Variants in SCN9A observed in about 807,000 individuals in gnomAD.
The protein encoded by SCN9A is sodium voltage-gated channel alpha subunit 9, also known as sodium channel protein type 9 subunit alpha.
In SCN9A, 131 loss-of-function variants were observed where a neutral mutation model predicts 187.0. The observed-to-expected ratio is 0.70, with a 90% confidence interval of 0.61 to 0.81. SCN9A has a LOEUF of 0.81. SCN9A is among the 30% of genes least tolerant of loss of function. The pLI is 0.00. For missense variants in SCN9A, 2,252 were observed against 2,396.6 expected (o/e 0.94, Z 1.26); for synonymous variants, 809 against 808.6 (o/e 1.00, Z -0.01).
chr2:166,361,354 G>A (rs6432908), intron 1 of SCN9A, among the ~76,000 whole-genome samples: 86,837 of 151,846 alleles, frequency 0.57, 26,346 homozygotes, highest in African/African-American at 0.78. Flanking sequence ...TTTCTTCTTA[G>A]GGAGCTTTCA....
chr2:166,235,655 T>G (rs1695284133), intron 20 of SCN9A, among the ~76,000 whole-genome samples: 1 of 151,516 alleles, frequency 6.6e-6, no homozygotes, highest in African/African-American at 2.4e-5. Flanking sequence ...ACAACTGCTG[T>G]AGATAAGTTT....
chr2:166,295,163 T>C (rs1174754143), intron 7 of SCN9A, among the ~76,000 whole-genome samples: 1 of 152,130 alleles, frequency 6.6e-6, no homozygotes, highest in African/African-American at 2.4e-5. Context: ...ACTAAAGCCC[T>C]AAGGCAGAGA....
intron 21 of SCN9A, among the ~76,000 whole-genome samples, chr2:166,229,347 C>G (rs1218888748): frequency 6.6e-6 from 1 of 150,970 alleles, no homozygotes; most frequent in Non-Finnish European, 1.5e-5. Context: ...TCTGTACACT[C>G]TGGAAAAAAA....
At chr2:166,322,262 A>T (rs971530806) in intron 1 of SCN9A, among the ~76,000 whole-genome samples, 1 of 152,120 alleles carries the variant, frequency 6.6e-6, no homozygotes, top group Non-Finnish European at 1.5e-5. Context: ...TTTCCATTTG[A>T]TCCAATGTAA....
chr2:166,352,180 C>G (rs191708188), intron 1 of SCN9A, among the ~76,000 whole-genome samples: 1 of 152,190 alleles, frequency 6.6e-6, no homozygotes, highest in East Asian at 1.9e-4. Flanking sequence ...AAGATTTACA[C>G]GGCCCTACTT....
intron 20 of SCN9A, among the ~76,000 whole-genome samples, chr2:166,236,208 G>A (rs575267316): frequency 2.6e-5 from 4 of 151,452 alleles, no homozygotes; most frequent in Non-Finnish European, 5.9e-5. Context: ...CATTTTTTAG[G>A]CAGTAACTAG....
intron 19 of SCN9A, among the ~76,000 whole-genome samples, chr2:166,240,042 A>G (rs1202936072): frequency 4.6e-5 from 7 of 152,326 alleles, no homozygotes; most frequent in Admixed American, 1.3e-4. Flanking sequence ...GCCACAACAC[A>G]GTGAAAAGAT....
At position 166,218,158 on chromosome 2, in the gene SCN9A, T is replaced by C. The variant is rs185696848; in HGVS notation, c.4398+8409A>G. Among the ~76,000 whole-genome samples, 28 of 151,150 alleles carry C rather than the reference T, an allele frequency of 1.9e-4. 1 individual carries two copies. Among genetic ancestry groups the C allele is most frequent in the Admixed American group, 1.6e-3 (24 of 15,090 alleles). On this transcript the variant is annotated intron_variant, in intron 24 of 26. Coordinates refer to ENST00000642356, the MANE Select transcript of SCN9A (RefSeq NM_001365536.1). Reference sequence around the variant, plus strand: ...TACAAAACTTTAAAAGAACAAATTTTGTCATTCATCCCAACATGAATGAAA... The same window carrying C: ...TACAAAACTTTAAAAGAACAAATTTCGTCATTCATCCCAACATGAATGAAA...
At chr2:166,350,267 A>G (rs1423975950) in intron 1 of SCN9A, among the ~76,000 whole-genome samples, 1 of 152,224 alleles carries the variant, frequency 6.6e-6, no homozygotes, top group East Asian at 1.9e-4. Flanking sequence ...CAGAAAAACT[A>G]TGGGGATGCC....
At chr2:166,281,897 G>GT in intron 12 of SCN9A, 89 bp from the exon 13 acceptor site, 1 of 1,172,294 alleles carries the variant, frequency 8.5e-7, no homozygotes, top group Non-Finnish European at 1.2e-6. Context: ...GCTGTAGTGA[G>GT]TAATTAAAAG....
At position 166,211,713 on chromosome 2, in the gene SCN9A, T is replaced by C. The variant is rs531512517; in HGVS notation, c.4399-7249A>G. On this transcript the variant is annotated intron_variant, in intron 24 of 26. Coordinates refer to ENST00000642356, the MANE Select transcript of SCN9A (RefSeq NM_001365536.1). ...AAGTTAAGTTGTTATCAGCTTAAAG[T>C]AGACTATTATAAGATATTTGTGATT... Among the ~76,000 whole-genome samples the C allele has an allele frequency of 4.0e-5, 6 of 148,594 alleles. 1 individual carries two copies. The highest frequency in any genetic ancestry group is 1.3e-4 in the African/African-American group (5 of 39,104).
intron 1 of SCN9A, among the ~76,000 whole-genome samples, chr2:166,361,917 C>CA (rs1700295554): frequency 6.6e-6 from 1 of 151,978 alleles, no homozygotes; most frequent in Non-Finnish European, 1.5e-5. Flanking sequence ...TTCAAGAAGG[C>CA]AAAATCCAAG....
chr2:166,340,381 C>G (rs1251415418), intron 1 of SCN9A, among the ~76,000 whole-genome samples: 1 of 152,102 alleles, frequency 6.6e-6, no homozygotes, highest in Non-Finnish European at 1.5e-5. Flanking sequence ...ACTTTCTCAA[C>G]TACTACTACT....
chr2:166,315,094 A>G (rs1699076205), intron 1 of SCN9A, among the ~76,000 whole-genome samples: 1 of 152,214 alleles, frequency 6.6e-6, no homozygotes, highest in African/African-American at 2.4e-5. Flanking sequence ...GAATCAAATC[A>G]AAGCAGTTGC....
chr2:166,313,288 G>A (rs978389062), intron 1 of SCN9A, among the ~76,000 whole-genome samples: 5 of 152,048 alleles, frequency 3.3e-5, no homozygotes, highest in South Asian at 2.1e-4. Context: ...TTGAAGCTTT[G>A]AAGCCAGACA....
Position 166,280,610 on chromosome 2 carries a change from C to A in SCN9A, c.2105-15G>T. 1 of 1,452,198 alleles carries A rather than the reference C, an allele frequency of 6.9e-7. No individual in the cohort carries two copies. The highest frequency in any genetic ancestry group is 9.5e-7 in the Non-Finnish European group (1 of 1,057,630). The allele number at this position is 1,452,198 out of a possible 1,614,324, so 90.0% of individuals were successfully genotyped here. A position where few individuals can be genotyped will look rare whatever the true frequency, so the allele number is the denominator to read the frequency against. On this transcript the variant is annotated splice_polypyrimidine_tract_variant and intron_variant, in intron 13 of 26. Transcript: ENST00000642356. ...CTCTTCAAGTTCTGGGAGAAAAAAG[C>A]AGAGAACATGGAGTCAGCCATTTGT...
At chr2:166,370,318 C>T (rs933189586) in intron 1 of SCN9A, among the ~76,000 whole-genome samples, 53 of 150,456 alleles carry the variant, frequency 3.5e-4, no homozygotes, top group African/African-American at 1.1e-3. Context: ...TCGAGGCGGG[C>T]GGATCACTAG....
At chr2:166,349,711 G>A (rs1438199568) in intron 1 of SCN9A, among the ~76,000 whole-genome samples, 4 of 152,144 alleles carry the variant, frequency 2.6e-5, no homozygotes, top group Admixed American at 2.0e-4. Flanking sequence ...GGTGGCTCAC[G>A]CCTGTAATCC....
chr2:166,231,205 T>A (rs566426076), intron 21 of SCN9A, among the ~76,000 whole-genome samples: 5 of 152,192 alleles, frequency 3.3e-5, no homozygotes, highest in Admixed American at 3.3e-4. Context: ...TGTAACATTC[T>A]ATTAATGCTC....
Sources: allele counts gnomAD v4.1 joint callset (sites outside exome capture counted in the v4.1 genomes callset), GRCh38; gene constraint gnomAD v4.1.1; transcripts MANE v1.5; gene names NCBI Gene and HGNC (gene_info 2026-07-23, HGNC 2026-07-21).